Variants in FOXN3 observed in about 807,000 individuals in gnomAD.
The protein encoded by FOXN3 is forkhead box protein N3.
In FOXN3, 7 loss-of-function variants were observed where a neutral mutation model predicts 38.4. The observed-to-expected ratio is 0.18, with a 90% CI of 0.10 to 0.34. The LOEUF (loss-of-function observed/expected upper bound fraction) is 0.34, where lower values mean the gene tolerates loss of function less well. Ranked by LOEUF, FOXN3 falls within the 10% of genes least tolerant of loss-of-function variation. The pLI, the probability that FOXN3 is intolerant of heterozygous loss-of-function variation, is 1.00. For missense variants in FOXN3, 456 were observed against 613.4 expected (o/e 0.74, Z 2.71); for synonymous variants, 230 against 242.2 (o/e 0.95, Z 0.47).
rs143554150 is a variant in FOXN3 at position 89,207,042 on chromosome 14, G to C, written c.746-26236C>G. On this transcript the variant is annotated intron_variant, in intron 4 of 5. Coordinates refer to ENST00000557258, the MANE Select transcript of FOXN3 (RefSeq NM_005197.4). Reference sequence around the variant, plus strand: ...ACAATAGTAGTAGCAGTAGCGGCAAGAGAAAAAGACAGTGGTAGATAAATA... The same window carrying C: ...ACAATAGTAGTAGCAGTAGCGGCAACAGAAAAAGACAGTGGTAGATAAATA... Among the ~76,000 whole-genome samples the C allele has an allele frequency of 2.8e-4, 43 of 152,184 alleles. 1 individual carries two copies. In the East Asian group the frequency reaches 7.9e-3, roughly 28 times the overall value.
intron 1 of FOXN3, among the ~76,000 whole-genome samples, chr14:89,539,765 G>A (rs145564174): frequency 5.6e-4 from 85 of 152,294 alleles, no homozygotes; most frequent in African/African-American, 1.9e-3. Flanking sequence ...GAACTGCTGC[G>A]TGAGACACTG....
intron 4 of FOXN3, among the ~76,000 whole-genome samples, chr14:89,280,273 CCTT>C (rs1394628672): frequency 2.0e-5 from 3 of 152,236 alleles, no homozygotes; most frequent in Non-Finnish European, 4.4e-5. Context: ...ATTTATTCCT[CCTT>C]AACTTTGGCC....
At chr14:89,458,296 C>A (rs1892769275) in intron 1 of FOXN3, among the ~76,000 whole-genome samples, 1 of 152,212 alleles carries the variant, frequency 6.6e-6, no homozygotes, top group African/African-American at 2.4e-5. Context: ...GCTCTCTGGG[C>A]CTTGCAGGCT....
intron 1 of FOXN3, among the ~76,000 whole-genome samples, chr14:89,578,919 C>T (rs180911126): frequency 4.1e-4 from 62 of 152,322 alleles, no homozygotes; most frequent in African/African-American, 1.3e-3. Context: ...ACTATTACAG[C>T]TCACTGCAGC....
At chr14:89,215,345 AG>A (rs1358595372) in intron 4 of FOXN3, among the ~76,000 whole-genome samples, 1 of 102,720 alleles carries the variant, frequency 9.7e-6, no homozygotes, top group Non-Finnish European at 1.9e-5. Context: ...AGGAGAATAG[AG>A]ATTTTTTTTT....
chr14:89,359,725 C>T (rs958112486), intron 2 of FOXN3, among the ~76,000 whole-genome samples: 2 of 152,156 alleles, frequency 1.3e-5, no homozygotes, highest in Admixed American at 1.3e-4. Context: ...CCCCAAAGGG[C>T]TTACCACCTG....
rs555393901 is a variant in FOXN3, at chr14:89,173,348, ACT to A, written c.851+7351_851+7352del. On this transcript the variant is annotated intron_variant, in intron 5 of 5. Transcript: ENST00000557258. Reference sequence around the variant, plus strand: ...GATGTGGAGGACTAGGGACCATCACACTCTGCTGGTGGCAGTGTAATTGGAAA... The same window carrying A: ...GATGTGGAGGACTAGGGACCATCACACTGCTGGTGGCAGTGTAATTGGAAA... Among the ~76,000 whole-genome samples, 68 of 152,318 alleles carry A rather than the reference ACT, an allele frequency of 4.5e-4. 1 individual carries two copies. The Middle Eastern group carries it at 0.01, about 23-fold the overall frequency.
chr14:89,206,754 G>GT (rs1776799654), intron 4 of FOXN3, among the ~76,000 whole-genome samples: 1 of 152,300 alleles, frequency 6.6e-6, no homozygotes, highest in Admixed American at 6.5e-5. Context: ...ATCAACCACC[G>GT]TAACTGCCAT....
intron 4 of FOXN3, among the ~76,000 whole-genome samples, chr14:89,205,252 G>A (rs920282517): frequency 2.0e-5 from 3 of 152,054 alleles, no homozygotes; most frequent in African/African-American, 4.8e-5. Flanking sequence ...TGTTGAAACC[G>A]AATCACCAAG....
intron 1 of FOXN3, among the ~76,000 whole-genome samples, chr14:89,506,459 G>C (rs1893940015): frequency 7.0e-6 from 1 of 141,994 alleles, no homozygotes; most frequent in African/African-American, 2.7e-5. Flanking sequence ...GGTTGGGGGG[G>C]TCAGCCCCCC....
intron 4 of FOXN3, among the ~76,000 whole-genome samples, chr14:89,212,217 A>G (rs1469703295): frequency 3.3e-5 from 5 of 152,212 alleles, no homozygotes; most frequent in African/African-American, 1.2e-4. Flanking sequence ...GGAATAGAAT[A>G]AGACATGTTC....
At chr14:89,395,697 G>A (rs769185433) in intron 2 of FOXN3, among the ~76,000 whole-genome samples, 1 of 152,100 alleles carries the variant, frequency 6.6e-6, no homozygotes, top group Non-Finnish European at 1.5e-5. Flanking sequence ...AACAAGTTAT[G>A]AGAAAGTTTA....
chr14:89,478,481 T>G (rs895306770), intron 1 of FOXN3, among the ~76,000 whole-genome samples: 41 of 152,354 alleles, frequency 2.7e-4, no homozygotes, highest in African/African-American at 9.6e-4. Flanking sequence ...TCTTTTAGAT[T>G]AATTCTCACT....
At chr14:89,216,317 C>T (rs1884280330) in intron 4 of FOXN3, among the ~76,000 whole-genome samples, 1 of 152,060 alleles carries the variant, frequency 6.6e-6, no homozygotes, top group Non-Finnish European at 1.5e-5. Flanking sequence ...CACAAAAACC[C>T]AAATGTTTAC....
intron 3 of FOXN3, among the ~76,000 whole-genome samples, chr14:89,333,749 T>TTA (rs1555418764): frequency 0.044 from 2,511 of 57,212 alleles, 447 homozygotes; most frequent in Middle Eastern, 0.11. Context: ...GAGAGACTAT[T>TTA]AAAAAAAAAA....
At chr14:89,540,514 C>T (rs776796936) in intron 1 of FOXN3, among the ~76,000 whole-genome samples, 6 of 152,194 alleles carry the variant, frequency 3.9e-5, no homozygotes, top group Non-Finnish European at 7.4e-5. Flanking sequence ...GCGGGCGGAT[C>T]GCGAGGTCAG....
At chr14:89,528,374 A>ATTTTTT (rs1280882695) in intron 1 of FOXN3, among the ~76,000 whole-genome samples, 11 of 62,232 alleles carry the variant, frequency 1.8e-4, no homozygotes, top group African/African-American at 2.2e-4. Context: ...ACATGGATGA[A>ATTTTTT]TCTTTTTTTT....
upstream of FOXN3, chr14:89,417,262 G>C (rs1203830824): frequency 2.7e-5 from 4 of 147,542 alleles, no homozygotes; most frequent in Non-Finnish European, 1.5e-5. Context: ...GAAGCGCGGG[G>C]AGGGAGGAGG....
intron 3 of FOXN3, among the ~76,000 whole-genome samples, chr14:89,310,226 G>C (rs1465341331): frequency 6.6e-6 from 1 of 152,232 alleles, no homozygotes; most frequent in Non-Finnish European, 1.5e-5. Context: ...TCTGAATTTT[G>C]TGGGAGGAGA....
Sources: gnomAD v4.1 joint callset for allele counts (sites outside exome capture counted in the v4.1 genomes callset) on GRCh38, gnomAD v4.1.1 for gene constraint, MANE v1.5 for transcripts, NCBI Gene and HGNC (gene_info 2026-07-23, HGNC 2026-07-21) for gene names.